The following EPHA5 variants were observed in gnomAD, a reference collection of about 807,000 sequenced individuals.
EPHA5 encodes the protein ephrin type-A receptor 5.
In EPHA5, 60 loss-of-function variants were observed where a neutral mutation model predicts 105.0. The ratio of observed to expected loss-of-function variants is 0.57; its 90% CI spans 0.46 to 0.71. The LOEUF is 0.71. EPHA5 is among the 30% of genes least tolerant of loss of function. The pLI is 0.00. For synonymous variants in EPHA5, 513 were observed against 449.1 expected, an observed-to-expected ratio of 1.14 and a Z score of -1.80; for missense variants, 1,218 against 1,274.7, an observed-to-expected ratio of 0.96 and a Z score of 0.68.
chr4:65,503,928 C>CACACAA (rs1051128029), intron 3 of EPHA5, among the ~76,000 whole-genome samples: 5 of 151,318 alleles, frequency 3.3e-5, no homozygotes, highest in Non-Finnish European at 7.4e-5. Flanking sequence ...CACACACACA[C>CACACAA]ACACACACAC....
intron 5 of EPHA5, among the ~76,000 whole-genome samples, chr4:65,441,577 A>G (rs1726018988): frequency 1.3e-5 from 2 of 152,116 alleles, no homozygotes; most frequent in South Asian, 4.1e-4. Flanking sequence ...GAGATAAAGT[A>G]AGAAAGAGAA....
intron 7 of EPHA5, among the ~76,000 whole-genome samples, chr4:65,409,650 T>A (rs984099293): frequency 2.6e-5 from 4 of 152,130 alleles, no homozygotes; most frequent in African/African-American, 4.8e-5. Context: ...CAGGTCAGAG[T>A]AAGAATTTGG....
At chr4:65,473,240 G>A (rs1288446617) in intron 5 of EPHA5, among the ~76,000 whole-genome samples, 9 of 152,010 alleles carry the variant, frequency 5.9e-5, no homozygotes, top group Non-Finnish European at 1.0e-4. Flanking sequence ...TCTTACCTTC[G>A]TCTTCTGAGC....
chr4:65,541,581 G>A (rs1035441370), intron 3 of EPHA5, among the ~76,000 whole-genome samples: 1 of 151,860 alleles, frequency 6.6e-6, no homozygotes, highest in Non-Finnish European at 1.5e-5. Context: ...CCCAACACAG[G>A]AGCACCCAGA....
rs537978013 is a variant in EPHA5 at position 65,378,298 on chromosome 4, T to C, written c.1794-10874A>G. On this transcript the variant is annotated intron_variant, in intron 8 of 16. Transcript: ENST00000613740. ...TCTATTTATTATATTTTAAAGAATA[T>C]GCCAAATCATTATTTTCACTGTAGA... Among the ~76,000 whole-genome samples the C allele has an allele frequency of 1.8e-4, 28 of 152,076 alleles. No homozygotes were observed. In the South Asian group the frequency reaches 2.1e-3, roughly 11 times the overall value.
chr4:65,371,323 A>G (rs1462451021), intron 8 of EPHA5, among the ~76,000 whole-genome samples: 1 of 152,086 alleles, frequency 6.6e-6, no homozygotes, highest in Non-Finnish European at 1.5e-5. Context: ...ATTAATTAAT[A>G]TTTATTTAAA....
chr4:65,639,265 T>A (rs1747428147), intron 2 of EPHA5, among the ~76,000 whole-genome samples: 1 of 152,218 alleles, frequency 6.6e-6, no homozygotes, highest in Admixed American at 6.5e-5. Context: ...TTTCCAGTAG[T>A]AAAAATATTT....
At chr4:65,360,608 A>G (rs899919101) in intron 11 of EPHA5, among the ~76,000 whole-genome samples, 3 of 151,666 alleles carry the variant, frequency 2.0e-5, no homozygotes, top group African/African-American at 7.3e-5. Context: ...ACATATAAAG[A>G]AAACTAAGCT....
At chr4:65,615,017 T>C (rs982077629) in intron 2 of EPHA5, among the ~76,000 whole-genome samples, 1 of 151,724 alleles carries the variant, frequency 6.6e-6, no homozygotes, top group Non-Finnish European at 1.5e-5. Context: ...AAATGTAAAA[T>C]TTATAAAACA....
intron 13 of EPHA5, 115 bp downstream of exon 13, chr4:65,351,274 T>C: frequency 2.1e-6 from 2 of 943,018 alleles, no homozygotes; most frequent in Admixed American, 5.1e-5. Flanking sequence ...CCCCTCATTC[T>C]CTCTCTTTCT....
At chr4:65,391,698 G>A (rs974190901) in intron 8 of EPHA5, among the ~76,000 whole-genome samples, 8 of 152,184 alleles carry the variant, frequency 5.3e-5, no homozygotes, top group African/African-American at 1.4e-4. Flanking sequence ...AGAGCCCAGC[G>A]TCTTCTGGAG....
intron 8 of EPHA5, among the ~76,000 whole-genome samples, chr4:65,372,126 C>G (rs1391560059): frequency 6.6e-6 from 1 of 151,876 alleles, no homozygotes; most frequent in South Asian, 2.1e-4. Flanking sequence ...ACAAGGACCT[C>G]AACCATTGCA....
chr4:65,518,255 T>C (rs1734297000), intron 3 of EPHA5, among the ~76,000 whole-genome samples: 1 of 152,030 alleles, frequency 6.6e-6, no homozygotes, highest in Admixed American at 6.6e-5. Flanking sequence ...ACTTTTATTA[T>C]CTTTTTCTTT....
chr4:65,624,665 G>A (rs1223002901), intron 2 of EPHA5, among the ~76,000 whole-genome samples: 2 of 152,144 alleles, frequency 1.3e-5, no homozygotes, highest in Non-Finnish European at 2.9e-5. Context: ...CTGACTGAAT[G>A]TTACAAAACT....
chr4:65,516,808 T>A (rs1396930220), intron 3 of EPHA5, among the ~76,000 whole-genome samples: 2 of 152,132 alleles, frequency 1.3e-5, no homozygotes, highest in Non-Finnish European at 2.9e-5. Flanking sequence ...TGACTAGAAG[T>A]GGTATTGTTG....
chr4:65,332,186 T>C (rs560924909), intron 15 of EPHA5, 58 bp from the exon 16 acceptor site: 1 of 1,384,962 alleles, frequency 7.2e-7, no homozygotes, highest in Non-Finnish European at 9.7e-7. Context: ...TATAACAAAG[T>C]TTACTATAAT....
chr4:65,650,408 A>G (rs1039223756), intron 1 of EPHA5, among the ~76,000 whole-genome samples: 1 of 113,776 alleles, frequency 8.8e-6, no homozygotes, highest in African/African-American at 3.1e-5. Context: ...AAAAAAAAAA[A>G]ATTAACCAGG....
At chr4:65,635,532 G>C (rs1338178403) in intron 2 of EPHA5, among the ~76,000 whole-genome samples, 1 of 152,106 alleles carries the variant, frequency 6.6e-6, no homozygotes, top group East Asian at 1.9e-4. Context: ...TCAGTGGGGA[G>C]AAGACTGGTT....
intron 3 of EPHA5, among the ~76,000 whole-genome samples, chr4:65,556,034 G>A (rs763196797): frequency 1.6e-4 from 25 of 152,122 alleles, no homozygotes; most frequent in Non-Finnish European, 2.6e-4. Context: ...AGAATATTCC[G>A]ATGCTGATGA....
Sources: allele counts gnomAD v4.1 joint callset (sites outside exome capture counted in the v4.1 genomes callset), GRCh38; gene constraint gnomAD v4.1.1; transcripts MANE v1.5; gene names NCBI Gene and HGNC (gene_info 2026-07-23, HGNC 2026-07-21).